The following GRID2 variants were observed in gnomAD, a reference collection of about 807,000 sequenced individuals.
GRID2 encodes glutamate receptor ionotropic, delta-2.
Under a neutral mutation model 114.8 loss-of-function variants are expected in GRID2, and 33 were observed. The ratio of observed to expected loss-of-function variants is 0.29; its 90% CI spans 0.22 to 0.38. The LOEUF (loss-of-function observed/expected upper bound fraction) is 0.38, where lower values mean the gene tolerates loss of function less well. GRID2 is among the 10% of genes least tolerant of loss of function. The pLI is 1.00. For missense variants in GRID2, 1,184 were observed against 1,257.7 expected, an observed-to-expected ratio of 0.94 and a Z score of 0.89; for synonymous variants, 505 against 449.9, an observed-to-expected ratio of 1.12 and a Z score of -1.55.
chr4:93,743,153 C>G (rs1352106525), intron 14 of GRID2, among the ~76,000 whole-genome samples: 3 of 152,234 alleles, frequency 2.0e-5, no homozygotes, highest in Non-Finnish European at 4.4e-5. Context: ...ATAATATTCC[C>G]TTAGGCCAAA....
chr4:92,769,581 A>G (rs1439433081), intron 2 of GRID2, among the ~76,000 whole-genome samples: 4 of 152,174 alleles, frequency 2.6e-5, no homozygotes, highest in African/African-American at 4.8e-5. Context: ...TTTTGCCTGG[A>G]CATCCAGGCA....
intron 13 of GRID2, among the ~76,000 whole-genome samples, chr4:93,545,588 C>CTAGA (rs1423279401): frequency 6.6e-6 from 1 of 152,132 alleles, no homozygotes; most frequent in Non-Finnish European, 1.5e-5. Flanking sequence ...TAATGATGTG[C>CTAGA]TAGAACCAGT....
chr4:93,255,605 G>A (rs1749486880), intron 8 of GRID2, among the ~76,000 whole-genome samples: 1 of 152,046 alleles, frequency 6.6e-6, no homozygotes, highest in South Asian at 2.1e-4. Flanking sequence ...CTCACTCTCG[G>A]AAGGCTGGAT....
chr4:93,202,774 T>A (rs1184707995), intron 4 of GRID2, among the ~76,000 whole-genome samples: 1 of 152,138 alleles, frequency 6.6e-6, no homozygotes, highest in Non-Finnish European at 1.5e-5. Context: ...GGTAAATTAT[T>A]TTTTTGTAAG....
chr4:93,006,096 C>T (rs537904239), intron 2 of GRID2, among the ~76,000 whole-genome samples: 2 of 152,142 alleles, frequency 1.3e-5, no homozygotes, highest in East Asian at 3.9e-4. Context: ...AACACCTTCC[C>T]TTCCACTCTA....
chr4:92,666,466 G>A (rs1344043266), intron 2 of GRID2, among the ~76,000 whole-genome samples: 3 of 151,140 alleles, frequency 2.0e-5, no homozygotes, highest in Non-Finnish European at 4.4e-5. Flanking sequence ...CTGTTTCTTC[G>A]TATGCCTTGT....
intron 2 of GRID2, among the ~76,000 whole-genome samples, chr4:92,641,339 G>A (rs943871952): frequency 6.6e-6 from 1 of 151,222 alleles, no homozygotes; most frequent in African/African-American, 2.4e-5. Flanking sequence ...TTTTGCACAG[G>A]CTGGACTCAA....
At chr4:92,723,990 ATATAT>A (rs888542701) in intron 2 of GRID2, among the ~76,000 whole-genome samples, 2 of 152,108 alleles carry the variant, frequency 1.3e-5, no homozygotes, top group African/African-American at 4.8e-5. Flanking sequence ...TGTGAATTAG[ATATAT>A]TATTAATTCC....
intron 1 of GRID2, among the ~76,000 whole-genome samples, chr4:92,539,051 A>G: frequency 7.0e-6 from 1 of 142,416 alleles, no homozygotes; most frequent in East Asian, 2.1e-4. Flanking sequence ...CAAAAAAAAA[A>G]AAAAAAAGTG....
chr4:92,512,161 G>T (rs1426467991), intron 1 of GRID2, among the ~76,000 whole-genome samples: 2 of 151,656 alleles, frequency 1.3e-5, no homozygotes, highest in Admixed American at 1.3e-4. Context: ...ACTTAGCATA[G>T]TATCTTCAAG....
intron 2 of GRID2, among the ~76,000 whole-genome samples, chr4:92,711,581 T>G (rs2149309918): frequency 6.6e-6 from 1 of 152,280 alleles, no homozygotes; most frequent in Non-Finnish European, 1.5e-5. Context: ...TGTATTCTGC[T>G]ACCAGCTGGA....
intron 9 of GRID2, among the ~76,000 whole-genome samples, chr4:93,403,433 CAA>C (rs1202432493): frequency 1.3e-5 from 2 of 151,810 alleles, no homozygotes. Context: ...ACAACACTAA[CAA>C]AAAAGTTTAC....
intron 2 of GRID2, among the ~76,000 whole-genome samples, chr4:92,779,707 T>C (rs1047854642): frequency 3.3e-5 from 5 of 152,114 alleles, no homozygotes; most frequent in African/African-American, 1.2e-4. Context: ...TCTCCCCTTT[T>C]ATAATGAGTT....
intron 8 of GRID2, among the ~76,000 whole-genome samples, chr4:93,364,830 A>G (rs907304429): frequency 6.6e-6 from 1 of 152,004 alleles, no homozygotes; most frequent in Non-Finnish European, 1.5e-5. Flanking sequence ...TTTATAGGTC[A>G]TATTTCTCAT....
At chr4:92,395,495 G>T (rs969122456) in intron 1 of GRID2, among the ~76,000 whole-genome samples, 3 of 151,556 alleles carry the variant, frequency 2.0e-5, no homozygotes, top group Non-Finnish European at 4.4e-5. Context: ...ATAATTATCT[G>T]TAATGGTTTA....
At chr4:93,654,371 C>T (rs1038065092) in intron 14 of GRID2, among the ~76,000 whole-genome samples, 3 of 152,128 alleles carry the variant, frequency 2.0e-5, no homozygotes, top group African/African-American at 4.8e-5. Context: ...CTTTCAGGGC[C>T]GAGTTCTGAT....
intron 14 of GRID2, among the ~76,000 whole-genome samples, chr4:93,744,120 T>G (rs1344486869): frequency 6.6e-6 from 1 of 152,158 alleles, no homozygotes; most frequent in African/African-American, 2.4e-5. Context: ...AAAACAAGAT[T>G]CCTTTCAAAA....
intron 7 of GRID2, among the ~76,000 whole-genome samples, chr4:93,225,390 A>G (rs1182126855): frequency 6.6e-6 from 1 of 152,172 alleles, no homozygotes; most frequent in African/African-American, 2.4e-5. Flanking sequence ...TGGTATAAGC[A>G]TTCTGCAGTT....
chr4:93,487,718 A>G (rs1054265296), intron 11 of GRID2, among the ~76,000 whole-genome samples: 11 of 151,896 alleles, frequency 7.2e-5, no homozygotes, highest in African/African-American at 2.7e-4. Context: ...AACCATTTCC[A>G]AATATGAAGC....
Sources: gnomAD v4.1 joint callset for allele counts (sites outside exome capture counted in the v4.1 genomes callset) on GRCh38, gnomAD v4.1.1 for gene constraint, MANE v1.5 for transcripts, NCBI Gene and HGNC (gene_info 2026-07-23, HGNC 2026-07-21) for gene names.